Variants in DOCK1 observed in about 807,000 individuals in gnomAD.
DOCK1 encodes dedicator of cytokinesis 1.
A neutral mutation model predicts 262.7 loss-of-function variants in DOCK1; 138 were observed. The ratio of observed to expected loss-of-function variants is 0.53; its 90% CI spans 0.46 to 0.61. The LOEUF (loss-of-function observed/expected upper bound fraction) is 0.61, where lower values mean the gene tolerates loss of function less well. Ranked by LOEUF, DOCK1 falls within the 20% of genes least tolerant of loss-of-function variation. The pLI is 0.00. For missense variants in DOCK1, 1,908 were observed against 2,370.7 expected (o/e 0.80, Z 4.05); for synonymous variants, 866 against 867.4 (o/e 1.00, Z 0.03).
chr10:126,992,164 G>A (rs2039837028), intron 6 of DOCK1, among the ~76,000 whole-genome samples: 1 of 152,094 alleles, frequency 6.6e-6, no homozygotes, highest in African/African-American at 2.4e-5. Context: ...ATTAGCTATT[G>A]TTGCAGCAAA....
At chr10:127,434,219 G>C (rs2069505824) in intron 48 of DOCK1, among the ~76,000 whole-genome samples, 1 of 150,850 alleles carries the variant, frequency 6.6e-6, no homozygotes. Context: ...TTTTGTTTCT[G>C]CTGAGGTTTA....
chr10:127,120,049 G>A (rs1279456390), intron 25 of DOCK1, among the ~76,000 whole-genome samples: 1 of 152,238 alleles, frequency 6.6e-6, no homozygotes. Flanking sequence ...GGCCGTGAAA[G>A]GGTGGCTGGT....
intron 25 of DOCK1, among the ~76,000 whole-genome samples, chr10:127,120,570 A>T (rs1339584754): frequency 6.6e-6 from 1 of 152,186 alleles, no homozygotes; most frequent in African/African-American, 2.4e-5. Flanking sequence ...CTTACAGCAC[A>T]TCTCTGTTTG....
At chr10:127,336,588 G>T (rs1158071760) in intron 29 of DOCK1, among the ~76,000 whole-genome samples, 1 of 150,372 alleles carries the variant, frequency 6.7e-6, no homozygotes, top group Non-Finnish European at 1.5e-5. Flanking sequence ...CACCCAGGCT[G>T]GAGTGCAGTG....
At chr10:127,026,598 A>G (rs1721120080) in intron 16 of DOCK1, 174 bp downstream of exon 16, 1 of 656,288 alleles carries the variant, frequency 1.5e-6, no homozygotes, top group Non-Finnish European at 2.6e-6. Flanking sequence ...AGCAGATCTC[A>G]GGAGGAGATC....
At chr10:126,967,952 T>G (rs1277153662) in intron 1 of DOCK1, among the ~76,000 whole-genome samples, 1 of 152,110 alleles carries the variant, frequency 6.6e-6, no homozygotes, top group Non-Finnish European at 1.5e-5. Flanking sequence ...TAGCTGGGAT[T>G]ACAGGTGCGC....
intron 24 of DOCK1, 134 bp from the exon 25 acceptor site, chr10:127,110,114 A>G: frequency 1.4e-6 from 1 of 693,976 alleles, no homozygotes; most frequent in Non-Finnish European, 2.5e-6. Flanking sequence ...TTGACCCCAT[A>G]GTGCATGAGA....
chr10:126,971,770 T>G (rs1440545807), intron 2 of DOCK1, among the ~76,000 whole-genome samples: 1 of 150,992 alleles, frequency 6.6e-6, no homozygotes, highest in Non-Finnish European at 1.5e-5. Context: ...TCTTTTAATG[T>G]CCTCACTTAG....
rs140256483 is a variant in DOCK1 at position 127,361,815 on chromosome 10, A to G, written c.3284-249A>G. On this transcript the variant is annotated intron_variant, in intron 32 of 51. Transcript: ENST00000623213. ...GTTCATCTTCTCTGACAGAGAAGTC[A>G]TGATTACAGGCTTATACCGCGCGGA... Among the ~76,000 whole-genome samples the G allele has an allele frequency of 2.6e-3, 403 of 152,326 alleles. 2 individuals carry two copies. Among genetic ancestry groups the G allele is most frequent in the Non-Finnish European group, 4.2e-3 (286 of 68,024 alleles).
At chr10:127,304,362 A>G (rs957952079) in intron 29 of DOCK1, among the ~76,000 whole-genome samples, 1 of 152,214 alleles carries the variant, frequency 6.6e-6, no homozygotes, top group Non-Finnish European at 1.5e-5. Flanking sequence ...TTCCTTTTTT[A>G]TGGTGAGCGA....
At chr10:127,254,244 A>G (rs1285795350) in intron 28 of DOCK1, among the ~76,000 whole-genome samples, 1 of 151,866 alleles carries the variant, frequency 6.6e-6, no homozygotes, top group Non-Finnish European at 1.5e-5. Context: ...ACACTGTTTT[A>G]TTTTCTTTTC....
At chr10:127,148,030 C>CAAAA (rs57503481) in intron 27 of DOCK1, among the ~76,000 whole-genome samples, 11 of 63,276 alleles carry the variant, frequency 1.7e-4, no homozygotes, top group Non-Finnish European at 3.0e-4. Flanking sequence ...GACTCTGTCT[C>CAAAA]AAAAAAAAAA....
chr10:127,135,204 C>T lies in DOCK1; in HGVS notation c.2847+7440C>T, dbSNP rs564298491. Among the ~76,000 whole-genome samples the T allele has an allele frequency of 1.5e-3, 226 of 152,338 alleles. 2 individuals are homozygous for T. The highest frequency in any genetic ancestry group is 5.1e-3 in the African/African-American group (212 of 41,576). ...GCCACCATGTGTTCCGGTGGTGAAA[C>T]TCCATGCCAGGGTGCATAGGTGGGC... On this transcript the variant is annotated intron_variant, in intron 27 of 51. Coordinates refer to ENST00000623213, the MANE Select transcript of DOCK1 (RefSeq NM_001290223.2).
intron 1 of DOCK1, among the ~76,000 whole-genome samples, chr10:126,925,049 A>C (rs7915184): frequency 0.12 from 18,683 of 152,264 alleles, 1,321 homozygotes; most frequent in African/African-American, 0.2. Flanking sequence ...TGGTTTAGAA[A>C]ATTCTCACTG....
At position 127,100,952 on chromosome 10, in the gene DOCK1, G is replaced by A. The variant is rs868408571; in HGVS notation, c.2446-5279G>A. Among the ~76,000 whole-genome samples the A allele has an allele frequency of 1.3e-5, 2 of 152,094 alleles. No individual in the cohort carries two copies. Among genetic ancestry groups the A allele is most frequent in the African/African-American group, 4.8e-5 (2 of 41,424 alleles). ...AGGGCCTGGGGCTGCTTTTCCGGGT[G>A]AGAGGCTGGTGTGGGCTTCATGATA... On this transcript the variant is annotated intron_variant, in intron 23 of 51. Transcript: ENST00000623213. The surrounding 1 kb of genome is among the most constrained non-coding windows in gnomAD (Gnocchi z 5.5).
intron 1 of DOCK1, among the ~76,000 whole-genome samples, chr10:126,929,333 T>G (rs2034010883): frequency 6.6e-6 from 1 of 152,162 alleles, no homozygotes; most frequent in Non-Finnish European, 1.5e-5. Flanking sequence ...CCTTAGTGTT[T>G]TCATGAGGAT....
intron 29 of DOCK1, among the ~76,000 whole-genome samples, chr10:127,327,897 T>G (rs2062810730): frequency 6.6e-6 from 1 of 152,140 alleles, no homozygotes; most frequent in African/African-American, 2.4e-5. Context: ...TATAGATCAC[T>G]TATGACCTTG....
chr10:126,979,008 G>A (rs1312502616), intron 3 of DOCK1, among the ~76,000 whole-genome samples: 1 of 152,160 alleles, frequency 6.6e-6, no homozygotes, highest in African/African-American at 2.4e-5. Context: ...CATGTCTAAT[G>A]TGAGAGACAG....
intron 45 of DOCK1, 83 bp from the exon 46 acceptor site, chr10:127,419,583 C>T: frequency 7.5e-7 from 1 of 1,337,900 alleles, no homozygotes; most frequent in South Asian, 1.3e-5. Flanking sequence ...CAGCTCTATT[C>T]TCAGGGCCTG....
Sources: gnomAD v4.1 joint callset for allele counts (sites outside exome capture counted in the v4.1 genomes callset) on GRCh38, gnomAD v4.1.1 for gene constraint, Gnocchi (gnomAD v3.1) non-coding constraint, MANE v1.5 for transcripts, NCBI Gene and HGNC (gene_info 2026-07-23, HGNC 2026-07-21) for gene names.